Variants in PGGHG observed in about 807,000 individuals in gnomAD.
PGGHG encodes protein-glucosylgalactosylhydroxylysine glucosidase.
In PGGHG, 67 loss-of-function variants were observed where a neutral mutation model predicts 74.5. That is an observed-to-expected ratio of 0.90 (90% CI 0.74 to 1.10). The LOEUF is 1.10. Among genes scored for constraint, PGGHG ranks in the 50% least tolerant of loss-of-function variants. The pLI is 0.00. For missense variants in PGGHG, 1,034 were observed against 981.5 expected, an observed-to-expected ratio of 1.05 and a Z score of -0.72; for synonymous variants, 496 against 419.9, an observed-to-expected ratio of 1.18 and a Z score of -2.21.
At chr11:290,223 C>T (rs1055751401) in intron 2 of PGGHG, 148 bp downstream of exon 2, 2 of 1,376,364 alleles carry the variant, frequency 1.5e-6, no homozygotes, top group African/African-American at 1.5e-5. Flanking sequence ...CAGGGTCCCC[C>T]CTTCCCTCCA....
At chr11:292,471 G>A (rs955251129) in intron 5 of PGGHG, 75 bp from the exon 6 acceptor site, 7 of 1,576,074 alleles carry the variant, frequency 4.4e-6, no homozygotes, top group Middle Eastern at 1.8e-4. Flanking sequence ...CTCCTCCAGG[G>A]CGAGGGCACG....
intron 4 of PGGHG, chr11:291,756 G>A: frequency 1.8e-6 from 1 of 571,312 alleles, no homozygotes; most frequent in Non-Finnish European, 2.8e-6. Context: ...AACGCCGGCT[G>A]GGGAGGCGAA....
intron 5 of PGGHG, among the ~76,000 whole-genome samples, 196 bp downstream of exon 5, chr11:292,291 C>T (rs955053682): frequency 2.0e-5 from 3 of 152,040 alleles, no homozygotes; most frequent in African/African-American, 4.8e-5. Context: ...GGAACCGCAG[C>T]GGGCTGGGAC....
chr11:290,373 C>T lies in PGGHG; in HGVS notation c.260-17C>T, dbSNP rs772546461. The T allele has an allele frequency of 3.7e-5, 57 of 1,538,540 alleles. No individual in the cohort carries two copies. The highest frequency in any genetic ancestry group is 1.8e-4 in the Admixed American group (9 of 50,958). ...CATAGCTTGGCAACCCACCTGCCTT[C>T]GCTTCTGCCTCCCCAGGCTCCTTTC... On this transcript the variant is annotated splice_polypyrimidine_tract_variant and intron_variant, in intron 2 of 13. Transcript: ENST00000409548.
rs1387159265 is a variant in PGGHG at position 290,405 on chromosome 11, C to A, written c.275C>A (p.Thr92Asn). 1 of 1,545,972 alleles carries A rather than the reference C, an allele frequency of 6.5e-7. No individual in the cohort carries two copies. The highest frequency in any genetic ancestry group is 1.2e-5 in the South Asian group (1 of 83,972). ...GCCTCCCCAGGCTCCTTTCTTCACACCCTGGAGGGCCCCCGCTTCCGGGCC... is the reference window on the plus strand; with the variant it reads ...GCCTCCCCAGGCTCCTTTCTTCACAACCTGGAGGGCCCCCGCTTCCGGGCC... ...LDTNTGSFLH[T>N]LEGPRFRASQ... Residue 92 changes from threonine (T) to asparagine (N), a missense_variant, in exon 3 of 14, where the codon ACC becomes AAC. Thr to Asn is a moderately conservative substitution (Grantham distance 65, BLOSUM62 0). Coordinates refer to ENST00000409548, the MANE Select transcript of PGGHG (RefSeq NM_025092.5).
Position 294,935 on chromosome 11 carries a change from G to A in PGGHG, c.*186G>A. Reference sequence around the variant, plus strand: ...AGCCTGGACTCCCGTGGACCCCCGTGGGCAGGTGGCTTCCCCGTGGCATCT... The same window carrying A: ...AGCCTGGACTCCCGTGGACCCCCGTAGGCAGGTGGCTTCCCCGTGGCATCT... On this transcript the variant is annotated 3_prime_UTR_variant, in exon 14 of 14. Transcript: ENST00000409548. 2 of 668,664 alleles carry A rather than the reference G, an allele frequency of 3.0e-6. No homozygotes were observed. The highest frequency in any genetic ancestry group is 2.8e-5 in the South Asian group (1 of 35,834). 41.4% of individuals were successfully genotyped at this position (668,664 alleles called of 1,614,324 possible).
At position 293,222 on chromosome 11, in the gene PGGHG, C is replaced by G. The variant is rs772349888; in HGVS notation, c.1330C>G (p.Leu444Val). The G allele has an allele frequency of 6.2e-7, 1 of 1,613,630 alleles. No individual in the cohort carries two copies. Among genetic ancestry groups the G allele is most frequent in the East Asian group, 2.2e-5 (1 of 44,878 alleles). Residue 444 changes from leucine (L) to valine (V), a missense_variant, in exon 8 of 14, where the codon CTG becomes GTG. Physicochemically the swap from Leu to Val is conservative, Grantham distance 32 (BLOSUM62 1). Transcript: ENST00000409548. ...GVNNSVYTNVLVQNSLRFAAA... is the reference protein window; with the variant it reads ...GVNNSVYTNVVVQNSLRFAAA... ...CAACAACTCTGTGTACACCAACGTC[C>G]TGGTCCAGAACAGGTCAGACACAAG...
chr11:294,333 C>A lies in PGGHG; in HGVS notation c.1875C>A (p.Ser625=). ...CGGGGATCTCCAGAGTGAGCGTCTCCGGCATCTTCTACCAGGGGAACAAGC... is the reference window on the plus strand; with the variant it reads ...CGGGGATCTCCAGAGTGAGCGTCTCAGGCATCTTCTACCAGGGGAACAAGC... ...CLSGISRVSV[S]GIFYQGNKLN... The change falls in exon 13 of 14, where the codon TCC becomes TCA. Residue 625 remains serine (S), a synonymous_variant. Transcript: ENST00000409548. 1.2e-6 allele frequency: 2 copies of A among 1,613,070 alleles called. No individual in the cohort carries two copies. The highest frequency in any genetic ancestry group is 1.3e-5 in the African/African-American group (1 of 75,028).
Position 290,036 on chromosome 11 carries a change from G to A in PGGHG, c.220G>A (p.Glu74Lys), listed in dbSNP as rs1466498867. ...VRLEAPAGMG[E>K]QLTETFALDT... ...GCTGGAGGCCCCTGCAGGGATGGGG[G>A]AGCAGCTGACCGAGACCTTCGCCCT... The change falls in exon 2 of 14, where the codon GAG becomes AAG. Residue 74 changes from glutamate (E) to lysine (K), a missense_variant. Coordinates refer to ENST00000409548, the MANE Select transcript of PGGHG (RefSeq NM_025092.5). The A allele has an allele frequency of 1.3e-6, 2 of 1,543,592 alleles. No homozygotes were observed. Among genetic ancestry groups the A allele is most frequent in the East Asian group, 2.4e-5 (1 of 40,878 alleles).
rs1379778557 is a variant in PGGHG, at chr11:289,935, T to G, written c.119T>G (p.Leu40Arg). The change falls in exon 2 of 14, where the codon CTG (leucine) becomes CGG (arginine). Residue 40 changes from leucine to arginine, a missense_variant. By Grantham distance (102) the Leu-to-Arg change is moderately radical. Transcript: ENST00000409548. The surrounding 1 kb of genome is among the most constrained non-coding windows in gnomAD (Gnocchi z 5.6). ...GGCACACGAGTGTTTCACGACACGC[T>G]GCACGTGAGCGGCGTGTACAATGGG... ...YLGTRVFHDT[L>R]HVSGVYNGAG... 1.9e-6 allele frequency: 3 copies of G among 1,550,846 alleles called. No homozygotes were observed. Among genetic ancestry groups the G allele is most frequent in the African/African-American group, 1.4e-5 (1 of 73,176 alleles).
chr11:290,080 C>T lies in PGGHG; in HGVS notation c.259+5C>T, dbSNP rs1195163649. The T allele has an allele frequency of 3.3e-6, 5 of 1,520,012 alleles. No homozygotes were observed. Among genetic ancestry groups the T allele is most frequent in the Non-Finnish European group, 4.4e-6 (5 of 1,134,998 alleles). 94.2% of individuals were successfully genotyped at this position (1,520,012 alleles called of 1,614,324 possible). On this transcript the variant is annotated splice_donor_5th_base_variant and intron_variant, in intron 2 of 13. Transcript: ENST00000409548. Reference sequence around the variant, plus strand: ...TCGCCCTGGACACCAACACAGGTAGCGCCACCTGGCCTGCCTCACCCCTGC... The same window carrying T: ...TCGCCCTGGACACCAACACAGGTAGTGCCACCTGGCCTGCCTCACCCCTGC...
chr11:293,327 G>T, intron 8 of PGGHG, 39 bp from the exon 9 acceptor site: 1 of 1,605,688 alleles, frequency 6.2e-7, no homozygotes. Flanking sequence ...AGCTGGAAGT[G>T]TAGGGGTTGC....
In PGGHG at chr11:294,763, C is replaced by T. The variant is rs201455892; in HGVS notation, c.*14C>T. On this transcript the variant is annotated 3_prime_UTR_variant, in exon 14 of 14. Transcript: ENST00000409548. ...GCCTCTGAATAATCAGGAACGGTGG[C>T]TTCAGAGACGTCTCTTGGGCCTTCC... The T allele has an allele frequency of 1.3e-4, 208 of 1,576,886 alleles. 1 individual carries two copies. In the East Asian group the frequency reaches 4.6e-3, roughly 35 times the overall value.
At position 293,363 on chromosome 11, in the gene PGGHG, C is replaced by T; in HGVS notation, c.1344-3C>T. On this transcript the variant is annotated splice_polypyrimidine_tract_variant and splice_region_variant and intron_variant, in intron 8 of 13. Transcript: ENST00000409548. ...AGCCTCCCCCACCTACCTCCACCTC[C>T]AGCCTGCGCTTTGCTGCTGCCCTGG... 4 of 1,611,432 alleles carry T rather than the reference C, an allele frequency of 2.5e-6. No individual in the cohort carries two copies. The highest frequency in any genetic ancestry group is 3.4e-6 in the Non-Finnish European group (4 of 1,179,596).
intron 5 of PGGHG, among the ~76,000 whole-genome samples, 183 bp from the exon 6 acceptor site, chr11:292,363 G>A (rs1845748283): frequency 6.6e-6 from 1 of 152,108 alleles, no homozygotes; most frequent in Non-Finnish European, 1.5e-5. Context: ...TCAGCACTCG[G>A]TGAGAACTGG....
rs1845703718 is a variant in PGGHG, at chr11:291,036, T to G, written c.829T>G (p.Cys277Gly). Reference protein sequence around the residue: ...LPQPKAPGYICHGLSPGGLSN... With the variant: ...LPQPKAPGYIGHGLSPGGLSN... Reference sequence around the variant, plus strand: ...CCAGCCCAAGGCCCCAGGATACATCTGCCATGGCCTCAGTCCTGGGGGCCT... The same window carrying G: ...CCAGCCCAAGGCCCCAGGATACATCGGCCATGGCCTCAGTCCTGGGGGCCT... Residue 277 changes from cysteine (C) to glycine (G), a missense_variant, in exon 4 of 14, where the codon TGC (cysteine) becomes GGC (glycine). Cys to Gly is a radical substitution (Grantham distance 159). Transcript: ENST00000409548. 1.9e-6 allele frequency: 3 copies of G among 1,612,260 alleles called. No homozygotes were observed.
Position 290,291 on chromosome 11 carries a change from C to T in PGGHG, c.260-99C>T, listed in dbSNP as rs1201780666. 2.1e-6 allele frequency: 3 copies of T among 1,395,466 alleles called. No homozygotes were observed. The Admixed American group carries it at 6.2e-5, about 29-fold the overall frequency. 86.4% of individuals were successfully genotyped at this position (1,395,466 alleles called of 1,614,324 possible). ...CGAGCAGCCGAGGGCCCAGAGGGAT[C>T]CGCCTCATTGTGGGGAGAGGCAGCG... On this transcript the variant is annotated intron_variant, in intron 2 of 13. Transcript: ENST00000409548.
chr11:293,526 C>T, intron 9 of PGGHG, 24 bp downstream of exon 9: 1 of 1,611,806 alleles, frequency 6.2e-7, no homozygotes, highest in Non-Finnish European at 8.5e-7. Flanking sequence ...TTCAAGGGCT[C>T]CTCCCCTGCC....
chr11:290,687 T>G lies in PGGHG; in HGVS notation c.480T>G (p.Tyr160Ter). Residue 160 changes from tyrosine (Y) to a stop codon, truncating the protein, a stop_gained, in exon 4 of 14, where the codon TAT becomes TAG. Transcript: ENST00000409548. LOFTEE classifies it high-confidence loss of function. ...GGCCACGCTCTCACAGGTACCTGTA[T>G]GGCCACACCCTCACCCCTGAGCAGC... ...GPDFQGARYLYGHTLTPEQPG... is the reference protein window; with the variant it reads ...GPDFQGARYL 1 of 1,606,556 alleles carries G rather than the reference T, an allele frequency of 6.2e-7. No individual in the cohort carries two copies. The highest frequency in any genetic ancestry group is 8.5e-7 in the Non-Finnish European group (1 of 1,175,540).
Sources: gnomAD v4.1 joint callset for allele counts (sites outside exome capture counted in the v4.1 genomes callset) on GRCh38, gnomAD v4.1.1 for gene constraint, Gnocchi (gnomAD v3.1) non-coding constraint, MANE v1.5 for transcripts, NCBI Gene and HGNC (gene_info 2026-07-23, HGNC 2026-07-21) for gene names.